The following TSKS variants were observed in gnomAD, a reference collection of about 807,000 sequenced individuals.
TSKS encodes testis specific serine kinase substrate, also known as testis-specific serine kinase substrate.
A neutral mutation model predicts 68.0 loss-of-function variants in TSKS; 27 were observed. That is an observed-to-expected ratio of 0.40 (90% CI 0.29 to 0.55). TSKS has a LOEUF of 0.55. Among genes scored for constraint, TSKS ranks in the 20% least tolerant of loss-of-function variants. TSKS has a pLI of 0.53. For missense variants in TSKS, 806 were observed against 776.0 expected (o/e 1.04, Z -0.46); for synonymous variants, 331 against 340.4 (o/e 0.97, Z 0.30).
In TSKS at chr19:49,741,922, G is replaced by A; in HGVS notation, c.1460C>T (p.Ala487Val). 1.2e-6 allele frequency: 2 copies of A among 1,614,220 alleles called. No individual in the cohort carries two copies. Among genetic ancestry groups the A allele is most frequent in the Non-Finnish European group, 1.7e-6 (2 of 1,180,048 alleles). ...DEVKQRGLTP[A>V]CPSCQRLHKK... Reference sequence around the variant, plus strand: ...GTGTAGCCTCTGACAGCTGGGACAGGCAGGAGTCAGGCCCCTCTGCTTCAC... The same window carrying A: ...GTGTAGCCTCTGACAGCTGGGACAGACAGGAGTCAGGCCCCTCTGCTTCAC... Residue 487 changes from alanine (A) to valine (V), a missense_variant, in exon 9 of 11, where the codon GCC (alanine) becomes GTC (valine). By Grantham distance (64) the Ala-to-Val change is moderately conservative. Transcript: ENST00000246801.
chr19:49,744,511 A>C, intron 7 of TSKS, 107 bp from the exon 8 acceptor site: 4 of 1,153,934 alleles, frequency 3.5e-6, no homozygotes, highest in Non-Finnish European at 5.0e-6. Flanking sequence ...CTGGTCAGCA[A>C]TTCTCCACCC....
At chr19:49,742,514 T>C (rs1350052862) in intron 8 of TSKS, among the ~76,000 whole-genome samples, 12 of 144,578 alleles carry the variant, frequency 8.3e-5, no homozygotes, top group Admixed American at 4.2e-4. Context: ...TTTTTTTTTT[T>C]TTGAGATGGA....
At position 49,761,389 on chromosome 19, in the gene TSKS, C is replaced by T. The variant is rs550436504; in HGVS notation, c.399+615G>A. ...TCCCTAAGTCCCCCTAAATCTTGCT[C>T]ATCTCTCAGTTTTGCCCCAGATTCT... On this transcript the variant is annotated intron_variant, in intron 2 of 10. Transcript: ENST00000246801. Among the ~76,000 whole-genome samples, 10 of 152,292 alleles carry T rather than the reference C, an allele frequency of 6.6e-5. No individual in the cohort carries two copies. In the East Asian group the frequency reaches 1.7e-3, roughly 26 times the overall value.
rs73590446 is a variant in TSKS, at chr19:49,763,152, G to A, written c.96C>T (p.Val32=). 1,766 of 1,609,874 alleles carry A rather than the reference G, an allele frequency of 1.1e-3. 13 individuals carry two copies. In the African/African-American group the frequency reaches 0.02, roughly 19 times the overall value. Residue 32 remains valine (V), a synonymous_variant, in exon 1 of 11, where the codon GTC becomes GTT. Transcript: ENST00000246801. This position sits in a 1 kb window ranked among gnomAD's most constrained non-coding sequence, Gnocchi z 4.5. ...PTGVESCSQL[V]PEAPRRVTSR... ...TGGTCACCCTCCGGGGAGCCTCTGG[G>A]ACTAGCTGGGAGCAGCTCTCCACCC...
At chr19:49,745,659 C>G (rs926707960) in intron 6 of TSKS, among the ~76,000 whole-genome samples, 1 of 152,096 alleles carries the variant, frequency 6.6e-6, no homozygotes, top group African/African-American at 2.4e-5. Context: ...TCTACCTGGG[C>G]TCCTCCAGAC....
At chr19:49,760,461 C>T (rs1022367735) in intron 2 of TSKS, among the ~76,000 whole-genome samples, 2 of 151,896 alleles carry the variant, frequency 1.3e-5, no homozygotes, top group Non-Finnish European at 2.9e-5. Flanking sequence ...GCTGGGACTA[C>T]AGGCGCCCAC....
chr19:49,751,301 CAAAAAAAAAA>C (rs55750605), intron 2 of TSKS, among the ~76,000 whole-genome samples: 1 of 35,120 alleles, frequency 2.8e-5, no homozygotes, highest in Non-Finnish European at 5.7e-5. Flanking sequence ...GATTCCATCT[CAAAAAAAAAA>C]AAAAAAAAAA....
chr19:49,740,313 G>C, intron 9 of TSKS, 130 bp from the exon 10 acceptor site: 3 of 1,190,110 alleles, frequency 2.5e-6, no homozygotes, highest in Non-Finnish European at 3.4e-6. Context: ...TTCCCATCAT[G>C]CCTTGAGCTT....
intron 2 of TSKS, among the ~76,000 whole-genome samples, chr19:49,756,065 A>C (rs145645625): frequency 6.0e-4 from 92 of 152,238 alleles, no homozygotes; most frequent in African/African-American, 2.2e-3. Flanking sequence ...GGTCACAAAA[A>C]TCATCAACGA....
At position 49,747,491 on chromosome 19, in the gene TSKS, C is replaced by T. The variant is rs115661717; in HGVS notation, c.580-19G>A. The T allele has an allele frequency of 1.2e-3, 1,940 of 1,613,214 alleles. 22 individuals are homozygous for T. In the African/African-American group the frequency reaches 0.02, roughly 17 times the overall value. Reference sequence around the variant, plus strand: ...AGTTCTCCTGGGTCAGACACCAGGGCGAGGGCCCTGCCTTCCCATTCCAGT... The same window carrying T: ...AGTTCTCCTGGGTCAGACACCAGGGTGAGGGCCCTGCCTTCCCATTCCAGT... On this transcript the variant is annotated intron_variant, in intron 4 of 10. Coordinates refer to ENST00000246801, the MANE Select transcript of TSKS (RefSeq NM_021733.2).
At position 49,763,189 on chromosome 19, in the gene TSKS, T is replaced by C; in HGVS notation, c.59A>G (p.Asp20Gly). ...WQSKEIHEAG[D>G]TPTGVESCSQ... ...GCAGCTCTCCACCCCCGTGGGGGTG[T>C]CCCCGGCCTCATGGATCTCTTTGGA... Residue 20 changes from aspartate (D) to glycine (G), a missense_variant, in exon 1 of 11, where the codon GAC (aspartate) becomes GGC (glycine). Coordinates refer to ENST00000246801, the MANE Select transcript of TSKS (RefSeq NM_021733.2). This position sits in a 1 kb window ranked among gnomAD's most constrained non-coding sequence, Gnocchi z 4.5. 6.3e-7 allele frequency: 1 copy of C among 1,584,498 alleles called. No individual in the cohort carries two copies. The highest frequency in any genetic ancestry group is 1.4e-5 in the African/African-American group (1 of 73,222).
In TSKS at chr19:49,761,999, C is replaced by T. The variant is rs1408270079; in HGVS notation, c.399+5G>A. On this transcript the variant is annotated splice_donor_5th_base_variant and intron_variant, in intron 2 of 10. Transcript: ENST00000246801. ...TCCCCAGCGGGTGGTGTGGAGGGCC[C>T]TCACCAGGATTTCCGTGATGTCTGC... 6 of 1,609,862 alleles carry T rather than the reference C, an allele frequency of 3.7e-6. No individual in the cohort carries two copies. The highest frequency in any genetic ancestry group is 5.1e-6 in the Non-Finnish European group (6 of 1,177,064).
intron 8 of TSKS, among the ~76,000 whole-genome samples, chr19:49,742,500 T>A (rs1345418814): frequency 3.8e-5 from 5 of 133,208 alleles, no homozygotes. Flanking sequence ...CCGGCCCTTT[T>A]TTTTTTTTTT....
At chr19:49,748,024 C>T (rs2084317159) in intron 4 of TSKS, 61 bp downstream of exon 4, 1 of 1,528,710 alleles carries the variant, frequency 6.5e-7, no homozygotes, top group Admixed American at 1.7e-5. Context: ...CCCTCTTTCT[C>T]CCACCCTCTT....
Position 49,747,273 on chromosome 19 carries a change from G to A in TSKS, c.663+116C>T, listed in dbSNP as rs1185206491. ...GAGTTCTAAGGATGACTATGTGCAC[G>A]AAGGTGCAGTGTGGTGGTGGTGTCG... is the stretch of plus-strand genomic sequence containing the variant. On this transcript the variant is annotated intron_variant, in intron 5 of 10. Transcript: ENST00000246801. 14 of 1,592,286 alleles carry A rather than the reference G, an allele frequency of 8.8e-6. No homozygotes were observed. In the African/African-American group the frequency reaches 1.6e-4, roughly 18 times the overall value.
rs764538734 is a variant in TSKS, at chr19:49,746,486, C to G, written c.976G>C (p.Gly326Arg). Residue 326 changes from glycine (G) to arginine (R), a missense_variant, in exon 6 of 11, where the codon GGC becomes CGC. Gly to Arg is a moderately radical substitution (Grantham distance 125, BLOSUM62 -2). Coordinates refer to ENST00000246801, the MANE Select transcript of TSKS (RefSeq NM_021733.2). ...CCCGCCCACCTCAGCTCTTCGATGCCGGTGAACAGCTTCTGCAATTCCTGC... is the reference window on the plus strand; with the variant it reads ...CCCGCCCACCTCAGCTCTTCGATGCGGGTGAACAGCTTCTGCAATTCCTGC... ...SEQELQKLFT[G>R]IEELRREVSS... is the part of the protein sequence containing the mutation. 2.4e-5 allele frequency: 38 copies of G among 1,613,844 alleles called. No individual in the cohort carries two copies. The Admixed American group carries it at 2.7e-4, about 11-fold the overall frequency.
At chr19:49,753,594 T>TAATAATAATAATAAA (rs1195769677) in intron 2 of TSKS, among the ~76,000 whole-genome samples, 14 of 136,924 alleles carry the variant, frequency 1.0e-4, no homozygotes, top group African/African-American at 3.8e-4. Flanking sequence ...ATAATAATAA[T>TAATAATAATAATAAA]AAAATAAAAT....
chr19:49,741,840 A>G, intron 9 of TSKS, 45 bp downstream of exon 9: 1 of 1,612,962 alleles, frequency 6.2e-7, no homozygotes, highest in Non-Finnish European at 8.5e-7. Flanking sequence ...CCCTTGCCCC[A>G]ACAGAAAAGT....
At chr19:49,740,622 G>A (rs2084244059) in intron 9 of TSKS, among the ~76,000 whole-genome samples, 1 of 152,122 alleles carries the variant, frequency 6.6e-6, no homozygotes, top group African/African-American at 2.4e-5. Flanking sequence ...AGTGGCTCAC[G>A]CCTGTAATCC....
Sources: allele counts gnomAD v4.1 joint callset (sites outside exome capture counted in the v4.1 genomes callset), GRCh38; gene constraint gnomAD v4.1.1; non-coding constraint Gnocchi (gnomAD v3.1); transcripts MANE v1.5; gene names NCBI Gene and HGNC (gene_info 2026-07-23, HGNC 2026-07-21).